Variants in CAST observed in about 807,000 individuals in gnomAD.
CAST encodes the protein calpastatin, also known as MIR583 host.
In CAST, 76 loss-of-function variants were observed where a neutral mutation model predicts 119.6. The observed-to-expected ratio is 0.64, with a 90% CI of 0.53 to 0.77. The LOEUF (loss-of-function observed/expected upper bound fraction) is 0.77. Among genes scored for constraint, CAST ranks in the 30% least tolerant of loss-of-function variants. The pLI is 0.00. For synonymous variants in CAST, 319 were observed against 331.6 expected (o/e 0.96, Z 0.41); for missense variants, 953 against 946.5 (o/e 1.01, Z -0.09).
chr5:96,278,512 A>G, the CAST span: 1 of 152,216 alleles, frequency 6.6e-6, no homozygotes, highest in Non-Finnish European at 1.5e-5. Context: ...TCATACATGC[A>G]GCTGGAATTT....
chr5:96,745,158 G>A (rs1351423862), intron 16 of CAST, among the ~76,000 whole-genome samples: 3 of 152,150 alleles, frequency 2.0e-5, no homozygotes, highest in Non-Finnish European at 4.4e-5. Flanking sequence ...CTTGACCTGG[G>A]GAGTGCTGCT....
the CAST span, among the ~76,000 whole-genome samples, chr5:96,048,707 A>G: frequency 3.0e-4 from 46 of 152,258 alleles, no homozygotes; most frequent in African/African-American, 1.1e-3. Flanking sequence ...CAAATATGTC[A>G]GAACTTCCCC....
chr5:95,984,068 G>A, the CAST span, among the ~76,000 whole-genome samples: 1 of 152,156 alleles, frequency 6.6e-6, no homozygotes, highest in African/African-American at 2.4e-5. Context: ...GGGCTAACCT[G>A]ATGAAATCTT....
intron 4 of CAST, among the ~76,000 whole-genome samples, chr5:96,723,399 G>T (rs467628): frequency 0.22 from 33,987 of 151,942 alleles, 3,833 homozygotes; most frequent in East Asian, 0.34. Flanking sequence ...ACTATTCTGA[G>T]CACTTAAAAA....
At chr5:96,718,410 G>C (rs1206754849) in intron 3 of CAST, among the ~76,000 whole-genome samples, 1 of 152,112 alleles carries the variant, frequency 6.6e-6, no homozygotes, top group South Asian at 2.1e-4. Context: ...GGAGGGAGGA[G>C]GGTAAGGATT....
At chr5:96,164,233 G>A in the CAST span, among the ~76,000 whole-genome samples, 3 of 152,178 alleles carry the variant, frequency 2.0e-5, no homozygotes, top group South Asian at 2.1e-4. Flanking sequence ...TATGTTGTAC[G>A]TAAAGAAAGA....
the CAST span, among the ~76,000 whole-genome samples, chr5:96,450,289 C>G: frequency 1.1e-4 from 17 of 152,136 alleles, no homozygotes; most frequent in African/African-American, 3.9e-4. Context: ...ATGTCTTTTG[C>G]AGCAACATGG....
At chr5:96,169,157 G>A in the CAST span, among the ~76,000 whole-genome samples, 1 of 152,196 alleles carries the variant, frequency 6.6e-6, no homozygotes, top group Admixed American at 6.5e-5. Context: ...GAGCAGCAGG[G>A]AGAGCACGTG....
the CAST span, among the ~76,000 whole-genome samples, chr5:96,171,931 C>T: frequency 2.0e-5 from 3 of 152,150 alleles, no homozygotes; most frequent in Admixed American, 6.5e-5. Flanking sequence ...CACCCCCCCA[C>T]GCCCCTGATC....
chr5:96,770,403 C>G, intron 29 of CAST, 128 bp from the exon 30 acceptor site: 4 of 622,348 alleles, frequency 6.4e-6, no homozygotes, highest in Non-Finnish European at 1.2e-5. Context: ...TGAAAAAACA[C>G]CCAAAGTCTT....
At chr5:96,376,429 T>C in the CAST span, among the ~76,000 whole-genome samples, 1 of 151,684 alleles carries the variant, frequency 6.6e-6, no homozygotes, top group African/African-American at 2.4e-5. Flanking sequence ...TTTAAAAAAA[T>C]TATTTCTATT....
the CAST span, among the ~76,000 whole-genome samples, chr5:96,335,115 A>G: frequency 6.6e-6 from 1 of 152,142 alleles, no homozygotes; most frequent in Non-Finnish European, 1.5e-5. Flanking sequence ...TCCTCTTCAG[A>G]CTACAAGCTT....
chr5:96,500,474 T>A, the CAST span, among the ~76,000 whole-genome samples: 2 of 152,212 alleles, frequency 1.3e-5, no homozygotes, highest in African/African-American at 4.8e-5. Context: ...AACATTTGGA[T>A]CTAGTTGTAC....
the CAST span, among the ~76,000 whole-genome samples, chr5:96,316,595 C>A: frequency 6.6e-6 from 1 of 152,142 alleles, no homozygotes; most frequent in Non-Finnish European, 1.5e-5. Flanking sequence ...GTTGAAAGCA[C>A]CAACAGCTGA....
chr5:96,123,497 C>T, the CAST span, among the ~76,000 whole-genome samples: 1 of 152,088 alleles, frequency 6.6e-6, no homozygotes, highest in African/African-American at 2.4e-5. Flanking sequence ...GACACCTTTA[C>T]ATTATTGGCA....
chr5:96,204,926 G>C, the CAST span, among the ~76,000 whole-genome samples: 1 of 152,072 alleles, frequency 6.6e-6, no homozygotes, highest in African/African-American at 2.4e-5. Context: ...ATAGCATCAT[G>C]AGTATGAATT....
At chr5:96,519,066 C>T in the CAST span, among the ~76,000 whole-genome samples, 1 of 151,250 alleles carries the variant, frequency 6.6e-6, no homozygotes, top group East Asian at 1.9e-4. Context: ...CTCACACCCA[C>T]AAAAAAAAGA....
intron 1 of CAST, among the ~76,000 whole-genome samples, chr5:96,629,431 C>A (rs191143525): frequency 1.1e-3 from 170 of 152,162 alleles, no homozygotes; most frequent in Admixed American, 1.8e-3. Flanking sequence ...CTGGGTGGGC[C>A]AAGACTTTGC....
At chr5:96,209,286 G>A in the CAST span, among the ~76,000 whole-genome samples, 1 of 151,922 alleles carries the variant, frequency 6.6e-6, no homozygotes, top group African/African-American at 2.4e-5. Flanking sequence ...GCCACTCTGT[G>A]CTTTTTAATT....
Sources: gnomAD v4.1 joint callset for allele counts (sites outside exome capture counted in the v4.1 genomes callset) on GRCh38, gnomAD v4.1.1 for gene constraint, MANE v1.5 for transcripts, NCBI Gene and HGNC (gene_info 2026-07-23, HGNC 2026-07-21) for gene names.